The following CD55 variants were observed in gnomAD, a reference collection of about 807,000 sequenced individuals.
CD55 encodes complement decay-accelerating factor.
CD55 carries 41 observed loss-of-function variants against 45.8 expected under a neutral mutation model. The observed-to-expected ratio is 0.90, with a 90% CI of 0.70 to 1.16. CD55 has a LOEUF of 1.16. CD55 is among the 50% of genes most tolerant of loss of function. The probability of loss-of-function intolerance (pLI) is 0.00; values close to 1 mark genes in which losing one functional copy is unlikely to be tolerated. For synonymous variants in CD55, 181 were observed against 181.1 expected (o/e 1.00, Z 0.01); for missense variants, 416 against 469.8 (o/e 0.89, Z 1.06).
At chr1:207,345,298 A>G (rs186700161) in intron 9 of CD55, among the ~76,000 whole-genome samples, 201 of 151,894 alleles carry the variant, frequency 1.3e-3, no homozygotes, top group African/African-American at 4.7e-3. Flanking sequence ...AAGTTCTGAG[A>G]TTCTTTCTTC....
intron 9 of CD55, among the ~76,000 whole-genome samples, chr1:207,346,879 CT>C (rs1250916443): frequency 6.6e-6 from 1 of 152,156 alleles, no homozygotes; most frequent in Non-Finnish European, 1.5e-5. Context: ...GATCTAGAGC[CT>C]ACGAGAATCA....
chr1:207,336,266 C>T (rs996484984), intron 6 of CD55, among the ~76,000 whole-genome samples: 3 of 152,060 alleles, frequency 2.0e-5, no homozygotes, highest in African/African-American at 7.3e-5. Context: ...AATTCTCAGG[C>T]TCATTAAGGT....
chr1:207,336,755 A>G lies in CD55; in HGVS notation c.916A>G (p.Thr306Ala), dbSNP rs777734043. 3.7e-6 allele frequency: 6 copies of G among 1,613,900 alleles called. No individual in the cohort carries two copies. The highest frequency in any genetic ancestry group is 2.2e-5 in the East Asian group (1 of 44,880). Reference protein sequence around the residue: ...VQKPTTVNVPTTEVSPTSQKT... With the variant: ...VQKPTTVNVPATEVSPTSQKT... ...GAAACCTACCACAGTAAATGTTCCA[A>G]CTACAGAAGTCTCACCAACTTCTCA... Residue 306 changes from threonine (T) to alanine (A), a missense_variant, in exon 7 of 10, where the codon ACT becomes GCT. Transcript: ENST00000367064.
intron 9 of CD55, chr1:207,347,255 G>A (rs1381156493): frequency 4.4e-6 from 2 of 451,396 alleles, no homozygotes; most frequent in African/African-American, 2.0e-5. Flanking sequence ...AAGGGAAAAT[G>A]GGTAAACACA....
At chr1:207,329,565 T>C (rs944732655) in intron 5 of CD55, among the ~76,000 whole-genome samples, 2 of 152,148 alleles carry the variant, frequency 1.3e-5, no homozygotes, top group African/African-American at 4.8e-5. Flanking sequence ...CCTTCATGTT[T>C]TATGCCTTAT....
intron 7 of CD55, 54 bp from the exon 8 acceptor site, chr1:207,337,275 C>A: frequency 9.1e-7 from 1 of 1,095,034 alleles, no homozygotes; most frequent in Non-Finnish European, 1.4e-6. Context: ...GTACATTCCC[C>A]AGTGACTAAT....
At chr1:207,352,262 G>A (rs2102438984) in intron 9 of CD55, among the ~76,000 whole-genome samples, 1 of 151,674 alleles carries the variant, frequency 6.6e-6, no homozygotes, top group African/African-American at 2.4e-5. Flanking sequence ...GGTGGGGGGT[G>A]CGTTAATTCT....
chr1:207,354,885 A>G (rs1249917619), intron 9 of CD55, among the ~76,000 whole-genome samples: 6 of 152,216 alleles, frequency 3.9e-5, no homozygotes, highest in Non-Finnish European at 8.8e-5. Context: ...TGTTCTGGGA[A>G]TAGCCTTTTA....
intron 9 of CD55, among the ~76,000 whole-genome samples, chr1:207,347,740 A>G (rs1487254741): frequency 6.6e-6 from 1 of 152,140 alleles, no homozygotes; most frequent in African/African-American, 2.4e-5. Context: ...CCCACCTTCC[A>G]TTCTCAAATA....
intron 9 of CD55, among the ~76,000 whole-genome samples, chr1:207,357,908 A>G (rs1008110789): frequency 6.6e-6 from 1 of 152,210 alleles, no homozygotes; most frequent in African/African-American, 2.4e-5. Context: ...ATTAACACCA[A>G]CGAATAATCA....
rs1043909366 is a variant in CD55 at position 207,360,533 on chromosome 1, G to C, written c.*923G>C. The C allele has an allele frequency of 6.6e-6, 1 of 152,020 alleles. No individual in the cohort carries two copies. Among genetic ancestry groups the C allele is most frequent in the African/African-American group, 2.4e-5 (1 of 41,394 alleles). 9.4% of individuals were successfully genotyped at this position (152,020 alleles called of 1,614,324 possible). Reference sequence around the variant, plus strand: ...TAGTATGTGAAATTTATTCTTAAACGTGACTACTTTATTTCTAAATAAGAA... The same window carrying C: ...TAGTATGTGAAATTTATTCTTAAACCTGACTACTTTATTTCTAAATAAGAA... On this transcript the variant is annotated 3_prime_UTR_variant, in exon 10 of 10. Coordinates refer to ENST00000367064, the MANE Select transcript of CD55 (RefSeq NM_000574.5).
At chr1:207,323,251 AGAGATATATATATATAGG>A (rs1448029118) in intron 2 of CD55, among the ~76,000 whole-genome samples, 84 of 151,044 alleles carry the variant, frequency 5.6e-4, no homozygotes, top group African/African-American at 1.2e-3. Flanking sequence ...ATATATAGGG[AGAGATATATATATATAGG>A]GAGATATATA....
At chr1:207,359,513 T>A in intron 9 of CD55, 33 bp from the exon 10 acceptor site, 1 of 1,257,606 alleles carries the variant, frequency 8.0e-7, no homozygotes, top group Non-Finnish European at 1.1e-6. Context: ...ATTTTGATTT[T>A]AACTTTTTTT....
In CD55 at chr1:207,359,674, A is replaced by G; in HGVS notation, c.*64A>G. The G allele has an allele frequency of 2.0e-6, 3 of 1,535,826 alleles. No individual in the cohort carries two copies. Among genetic ancestry groups the G allele is most frequent in the Non-Finnish European group, 2.6e-6 (3 of 1,148,046 alleles). On this transcript the variant is annotated 3_prime_UTR_variant, in exon 10 of 10. Transcript: ENST00000367064. ...AGACTGTTCCTAGTTTCTTAGACTT[A>G]TCTGCATATTGGATAAAATAAATGC... is the stretch of plus-strand genomic sequence containing the variant.
In CD55 at chr1:207,335,927, A is replaced by G. The variant is rs192761691; in HGVS notation, c.854-766A>G. 9.2e-5 allele frequency among the ~76,000 whole-genome samples: 14 copies of G among 152,286 alleles called. 1 individual carries two copies. The highest frequency in any genetic ancestry group is 7.9e-4 in the Admixed American group (12 of 15,280). ...TTATCCTCATTTTACAGATGAGGAAACTATAGCTTAGAAGGGTTAGGGACT... is the reference window on the plus strand; with the variant it reads ...TTATCCTCATTTTACAGATGAGGAAGCTATAGCTTAGAAGGGTTAGGGACT... On this transcript the variant is annotated intron_variant, in intron 6 of 9. Coordinates refer to ENST00000367064, the MANE Select transcript of CD55 (RefSeq NM_000574.5).
Position 207,360,337 on chromosome 1 carries a change from TG to T in CD55, c.*728del, listed in dbSNP as rs1264635703. The stretch of plus-strand genomic sequence containing the variant: ...ATTATATATTATTTCTGAATCGAGA[TG>T]TCCATAGTCAAATTTGTAAATCTTA... On this transcript the variant is annotated 3_prime_UTR_variant, in exon 10 of 10. Coordinates refer to ENST00000367064, the MANE Select transcript of CD55 (RefSeq NM_000574.5). 2.0e-5 allele frequency: 3 copies of T among 152,208 alleles called. No homozygotes were observed. The highest frequency in any genetic ancestry group is 2.9e-5 in the Non-Finnish European group (2 of 68,020). 9.4% of individuals were successfully genotyped at this position (152,208 alleles called of 1,614,324 possible). A position where few individuals can be genotyped will look rare whatever the true frequency, so the allele number is the denominator to read the frequency against.
At chr1:207,337,080 A>G (rs945011155) in intron 7 of CD55, 10 of 606,036 alleles carry the variant, frequency 1.7e-5, no homozygotes, top group Non-Finnish European at 2.0e-5. Flanking sequence ...TCAGCCACCA[A>G]ATCCCCAGCA....
chr1:207,353,040 GTTTTTT>G (rs386369456), intron 9 of CD55, among the ~76,000 whole-genome samples: 213 of 47,422 alleles, frequency 4.5e-3, no homozygotes, highest in South Asian at 9.5e-3. Context: ...CTATTACCAG[GTTTTTT>G]TTTTTTTTTT....
intron 9 of CD55, among the ~76,000 whole-genome samples, chr1:207,351,767 T>G (rs1034945662): frequency 6.6e-6 from 1 of 152,184 alleles, no homozygotes; most frequent in Admixed American, 6.5e-5. Context: ...TCAATGGCAC[T>G]CAATGAAGGT....
Sources: allele counts gnomAD v4.1 joint callset (sites outside exome capture counted in the v4.1 genomes callset), GRCh38; gene constraint gnomAD v4.1.1; transcripts MANE v1.5; gene names NCBI Gene and HGNC (gene_info 2026-07-23, HGNC 2026-07-21).